Variants in COQ10B observed in about 807,000 individuals in gnomAD.
The protein encoded by COQ10B is coenzyme Q10B.
A neutral mutation model predicts 27.6 loss-of-function variants in COQ10B; 12 were observed. The observed-to-expected ratio is 0.43, with a 90% CI of 0.28 to 0.70. The LOEUF (loss-of-function observed/expected upper bound fraction) is 0.70. Among genes scored for constraint, COQ10B ranks in the 30% least tolerant of loss-of-function variants. COQ10B has a pLI of 0.17. For synonymous variants in COQ10B, 115 were observed against 103.0 expected, an observed-to-expected ratio of 1.12 and a Z score of -0.71; for missense variants, 278 against 288.7, an observed-to-expected ratio of 0.96 and a Z score of 0.27.
intron 1 of COQ10B, among the ~76,000 whole-genome samples, chr2:197,458,940 A>T (rs1408850774): frequency 6.6e-6 from 1 of 152,138 alleles, no homozygotes; most frequent in Non-Finnish European, 1.5e-5. Flanking sequence ...TCGGCCTCCC[A>T]AAGTGCTGGG....
At chr2:197,461,225 A>T (rs982805066) in intron 2 of COQ10B, among the ~76,000 whole-genome samples, 1 of 152,132 alleles carries the variant, frequency 6.6e-6, no homozygotes, top group African/African-American at 2.4e-5. Context: ...GTAGAGTTCA[A>T]ATGGGTGTGC....
At chr2:197,468,716 G>A (rs939502521) in intron 3 of COQ10B, among the ~76,000 whole-genome samples, 20 of 152,020 alleles carry the variant, frequency 1.3e-4, no homozygotes, top group African/African-American at 4.8e-4. Context: ...CCAGCACTTT[G>A]GGAGGCCAAG....
intron 4 of COQ10B, among the ~76,000 whole-genome samples, chr2:197,472,912 C>G (rs10196154): frequency 0.016 from 2,478 of 152,226 alleles, 75 homozygotes; most frequent in African/African-American, 0.056. Context: ...TGGTGCTTCT[C>G]AGTGATACCT....
chr2:197,466,085 C>T (rs1395477990), intron 3 of COQ10B, among the ~76,000 whole-genome samples: 2 of 152,096 alleles, frequency 1.3e-5, no homozygotes, highest in East Asian at 1.9e-4. Flanking sequence ...AGTGAAATTC[C>T]GTCTCAAAAC....
In COQ10B at chr2:197,473,609, C is replaced by A. The variant is rs1432520393; in HGVS notation, c.550-148C>A. 5 of 508,460 alleles carry A rather than the reference C, an allele frequency of 9.8e-6. No homozygotes were observed. In the Admixed American group the frequency reaches 1.9e-4, roughly 19 times the overall value. The allele number at this position is 508,460 out of a possible 1,614,324, so 31.5% of individuals were successfully genotyped here. On this transcript the variant is annotated intron_variant, in intron 4 of 4. Coordinates refer to ENST00000263960, the MANE Select transcript of COQ10B (RefSeq NM_025147.5). ...ACAGAGGTGGGAGGATTGCTTGAGT[C>A]CAGGAGGTTGAGGCTGCAGTGAGCC...
chr2:197,453,628 C>T lies in COQ10B; in HGVS notation c.68C>T (p.Thr23Ile). 3 of 1,613,916 alleles carry T rather than the reference C, an allele frequency of 1.9e-6. No homozygotes were observed. The highest frequency in any genetic ancestry group is 2.5e-6 in the Non-Finnish European group (3 of 1,179,962). ...VVSGCRPKSA[T>I]AAGAQAPVRN... The stretch of plus-strand genomic sequence containing the variant: ...TCGGGATGCCGTCCGAAGTCGGCGA[C>T]AGCGGCCGGGGCGCAGGCGCCCGTG... Residue 23 changes from threonine to isoleucine, a missense_variant, in exon 1 of 5, where the codon ACA (threonine) becomes ATA (isoleucine). This residue lies in a region of COQ10B where 183 missense variants were observed against 158.2 expected (regional missense o/e 1.16). Transcript: ENST00000263960.
chr2:197,458,883 T>C (rs2085727634), intron 1 of COQ10B, among the ~76,000 whole-genome samples: 1 of 152,100 alleles, frequency 6.6e-6, no homozygotes, highest in Non-Finnish European at 1.5e-5. Flanking sequence ...GGTTTCACCA[T>C]GTTAGTCAGG....
chr2:197,454,321 T>A (rs931104832), intron 1 of COQ10B: 52 of 523,468 alleles, frequency 9.9e-5, no homozygotes, highest in African/African-American at 9.0e-4. Flanking sequence ...CGACTTAGTT[T>A]CCTTTTACTA....
At chr2:197,460,184 G>T in intron 2 of COQ10B, 103 bp downstream of exon 2, 2 of 731,026 alleles carry the variant, frequency 2.7e-6, no homozygotes, top group South Asian at 2.8e-5. Flanking sequence ...TACAGACTAA[G>T]CTCTCTTTTC....
chr2:197,469,870 A>T (rs1404937582), intron 3 of COQ10B, among the ~76,000 whole-genome samples, 200 bp from the exon 4 acceptor site: 2 of 151,888 alleles, frequency 1.3e-5, no homozygotes, highest in African/African-American at 4.8e-5. Flanking sequence ...GGATCCCTGC[A>T]GGAAAAAAAA....
At position 197,462,701 on chromosome 2, in the gene COQ10B, A is replaced by T. The variant is rs772376862; in HGVS notation, c.417A>T (p.Val139=). ...CTGTGTTGGAGCGATATACATCAGT[A>T]GTAACCTTGGTGAAACCTCATTTAG... The part of the protein sequence containing the change: ...FPPVLERYTS[V]VTLVKPHLVK... The change falls in exon 3 of 5, where the codon GTA becomes GTT. Residue 139 remains valine (V), a synonymous_variant. Coordinates refer to ENST00000263960, the MANE Select transcript of COQ10B (RefSeq NM_025147.5). The T allele has an allele frequency of 1.3e-6, 2 of 1,559,958 alleles. No homozygotes were observed. The highest frequency in any genetic ancestry group is 2.1e-5 in the Admixed American group (1 of 47,316).
chr2:197,462,946 CT>C (rs904842409), intron 3 of COQ10B, among the ~76,000 whole-genome samples: 4 of 151,884 alleles, frequency 2.6e-5, no homozygotes, highest in Non-Finnish European at 5.9e-5. Flanking sequence ...AAACTTTTCC[CT>C]TTTTTTTCCC....
At chr2:197,453,695 G>C (rs756249780) in intron 1 of COQ10B, 31 bp downstream of exon 1, 2 of 1,580,306 alleles carry the variant, frequency 1.3e-6, no homozygotes, top group East Asian at 4.5e-5. Context: ...TGAGACGAGA[G>C]TAGTTTTCGA....
chr2:197,456,953 C>T (rs895894862), intron 1 of COQ10B, among the ~76,000 whole-genome samples: 2 of 146,082 alleles, frequency 1.4e-5, no homozygotes, highest in African/African-American at 5.1e-5. Context: ...TTTTTGGCAC[C>T]AGAGAACAGT....
chr2:197,469,236 G>A (rs768514447), intron 3 of COQ10B, among the ~76,000 whole-genome samples: 13 of 152,138 alleles, frequency 8.5e-5, no homozygotes, highest in Admixed American at 2.0e-4. Context: ...AGGGAATCTC[G>A]TTCTGTTGCC....
At chr2:197,462,460 T>C (rs950750250) in intron 2 of COQ10B, 79 bp from the exon 3 acceptor site, 1 of 731,972 alleles carries the variant, frequency 1.4e-6, no homozygotes, top group Non-Finnish European at 2.2e-6. Flanking sequence ...GTAAGTTTTA[T>C]ACATATTCAC....
rs1273963190 is a variant in COQ10B at position 197,473,414 on chromosome 2, AAAT to A, written c.550-341_550-339del. 2.0e-3 allele frequency among the ~76,000 whole-genome samples: 131 copies of A among 64,160 alleles called. 1 individual carries two copies. Among genetic ancestry groups the A allele is most frequent in the African/African-American group, 9.2e-3 (124 of 13,524 alleles). 42.1% of individuals were successfully genotyped at this position (64,160 alleles called of 152,430 possible). A position where few individuals can be genotyped will look rare whatever the true frequency, so the allele number is the denominator to read the frequency against. ...ACGCCCCCCCCCACAAAAAAAAAAAAAATATATATATATATATATATATATATA... is the reference window on the plus strand; with the variant it reads ...ACGCCCCCCCCCACAAAAAAAAAAAAATATATATATATATATATATATATA... On this transcript the variant is annotated intron_variant, in intron 4 of 4. Transcript: ENST00000263960.
In COQ10B at chr2:197,462,577, TG is replaced by T; in HGVS notation, c.295del (p.Glu99ArgfsTer27). On this transcript the variant is annotated frameshift_variant, in exon 3 of 5. Coordinates refer to ENST00000263960, the MANE Select transcript of COQ10B (RefSeq NM_025147.5). LOFTEE classifies it high-confidence loss of function. ...MQEMYDVVSGVEDYKHFVPWC... is the reference protein window; with the variant it reads ...MQEMYDVVSGXEDYKHFVPWC... ...GAAATGTATGATGTAGTATCGGGAG[TG>T]GAGGATTACAAGCATTTTGTTCCTT... 1.3e-6 allele frequency: 2 copies of T among 1,594,196 alleles called. No homozygotes were observed. Among genetic ancestry groups the T allele is most frequent in the Non-Finnish European group, 1.7e-6 (2 of 1,166,946 alleles).
chr2:197,471,439 G>A lies in COQ10B; in HGVS notation c.549+1268G>A, dbSNP rs528242506. On this transcript the variant is annotated intron_variant, in intron 4 of 4. Transcript: ENST00000263960. ...TTACAGGCGTGAGCCACCGCACCCA[G>A]CCTAGTAACTTTCTTTTTCATATAA... Among the ~76,000 whole-genome samples the A allele has an allele frequency of 5.3e-5, 8 of 151,790 alleles. No homozygotes were observed. In the East Asian group the frequency reaches 1.6e-3, roughly 30 times the overall value.
Sources: gnomAD v4.1 joint callset for allele counts (sites outside exome capture counted in the v4.1 genomes callset) on GRCh38, gnomAD v4.1.1 for gene constraint, gnomAD v4.1.1 regional missense constraint, MANE v1.5 for transcripts, NCBI Gene and HGNC (gene_info 2026-07-23, HGNC 2026-07-21) for gene names.